Variants in GLIS3 observed in about 807,000 individuals in gnomAD.
GLIS3 encodes GLIS family zinc finger 3.
Under a neutral mutation model 78.6 loss-of-function variants are expected in GLIS3, and 53 were observed. The observed-to-expected ratio is 0.67, with a 90% CI of 0.54 to 0.85. The LOEUF (loss-of-function observed/expected upper bound fraction) is 0.85, where lower values mean the gene tolerates loss of function less well. Ranked by LOEUF, GLIS3 falls within the 40% of genes least tolerant of loss-of-function variation. The pLI, the probability that GLIS3 is intolerant of heterozygous loss-of-function variation, is 0.00. For synonymous variants in GLIS3, 684 were observed against 509.9 expected (o/e 1.34, Z -4.60); for missense variants, 1,703 against 1,231.1 (o/e 1.38, Z -5.74).
chr9:4,063,409 G>A (rs1407353093), intron 4 of GLIS3, among the ~76,000 whole-genome samples: 1 of 152,124 alleles, frequency 6.6e-6, no homozygotes, highest in Non-Finnish European at 1.5e-5. Context: ...CTACCACCAA[G>A]AGTGGCTTAC....
chr9:3,939,646 A>G (rs1826092181), intron 4 of GLIS3, among the ~76,000 whole-genome samples: 4 of 152,200 alleles, frequency 2.6e-5, no homozygotes, highest in Admixed American at 2.6e-4. Flanking sequence ...AATCCAGCTG[A>G]TATCAGATGT....
chr9:4,228,696 T>C (rs1821995715), intron 2 of GLIS3, among the ~76,000 whole-genome samples: 1 of 152,238 alleles, frequency 6.6e-6, no homozygotes, highest in Non-Finnish European at 1.5e-5. Context: ...ACATCTTTGC[T>C]CTTAATAATC....
Position 3,824,263 on chromosome 9 carries a change from C to G in GLIS3, c.*4009G>C, listed in dbSNP as rs1817608482. On this transcript the variant is annotated 3_prime_UTR_variant, in exon 11 of 11. Transcript: ENST00000381971. ...TCCTCCTCATATCTATAATTAAATC[C>G]AGGCTACAGCTCTGGCCCAAAGCAA... 6.6e-6 allele frequency: 1 copy of G among 152,522 alleles called. No homozygotes were observed. The highest frequency in any genetic ancestry group is 2.1e-4 in the South Asian group (1 of 4,826). 9.4% of individuals were successfully genotyped at this position (152,522 alleles called of 1,614,324 possible).
At chr9:4,358,111 T>C in the GLIS3 span, among the ~76,000 whole-genome samples, 3 of 152,210 alleles carry the variant, frequency 2.0e-5, no homozygotes. Context: ...TTTGTGTGTA[T>C]GTATATGTGT....
chr9:4,426,048 T>G, the GLIS3 span, among the ~76,000 whole-genome samples: 1 of 152,288 alleles, frequency 6.6e-6, no homozygotes, highest in South Asian at 2.1e-4. Flanking sequence ...CATACGTTCA[T>G]GCAATGCAAA....
At chr9:4,054,412 A>T in intron 4 of GLIS3, 1 of 985,402 alleles carries the variant, frequency 1.0e-6, no homozygotes, top group Non-Finnish European at 1.2e-6. Flanking sequence ...TCTGAATTTA[A>T]CGGTTGGTTA....
chr9:4,328,078 G>A (rs1817629012), intron 2 of GLIS3, among the ~76,000 whole-genome samples: 1 of 152,218 alleles, frequency 6.6e-6, no homozygotes, highest in Non-Finnish European at 1.5e-5. Context: ...GCAGAGCCCA[G>A]CACATATGGT....
intron 2 of GLIS3, among the ~76,000 whole-genome samples, chr9:4,316,849 G>A (rs1427948659): frequency 1.4e-5 from 2 of 143,154 alleles, no homozygotes; most frequent in African/African-American, 2.7e-5. Context: ...TGTTTAATAT[G>A]AGAAGTGTTG....
chr9:4,186,410 T>C (rs1274715511), intron 2 of GLIS3, among the ~76,000 whole-genome samples: 1 of 152,070 alleles, frequency 6.6e-6, no homozygotes, highest in African/African-American at 2.4e-5. Context: ...GTTGGACATT[T>C]GGGTTGGTTG....
intron 2 of GLIS3, among the ~76,000 whole-genome samples, chr9:4,166,470 G>T (rs1474664966): frequency 6.6e-6 from 1 of 152,126 alleles, no homozygotes; most frequent in South Asian, 2.1e-4. Flanking sequence ...AGACGTGATG[G>T]GAAGAATAAA....
At chr9:4,386,392 TAA>T in the GLIS3 span, 1 of 151,912 alleles carries the variant, frequency 6.6e-6, no homozygotes, top group Non-Finnish European at 1.5e-5. Context: ...CTTTTCTTTT[TAA>T]AAAAAATTAT....
chr9:4,451,017 A>T, the GLIS3 span, among the ~76,000 whole-genome samples: 3 of 152,256 alleles, frequency 2.0e-5, no homozygotes, highest in South Asian at 2.1e-4. Context: ...TTAAATGTAA[A>T]TGGGCTAAAT....
At chr9:4,230,465 A>G (rs1490453825) in intron 2 of GLIS3, among the ~76,000 whole-genome samples, 1 of 152,194 alleles carries the variant, frequency 6.6e-6, no homozygotes, top group Admixed American at 6.5e-5. Context: ...AGATAGCCAC[A>G]CATTTGTAAA....
chr9:4,170,912 G>A (rs921373213), intron 2 of GLIS3, among the ~76,000 whole-genome samples: 1 of 152,100 alleles, frequency 6.6e-6, no homozygotes, highest in Non-Finnish European at 1.5e-5. Context: ...CAATGAAGTA[G>A]AAAATGTTGT....
chr9:3,932,190 C>G (rs1332302212), intron 6 of GLIS3, among the ~76,000 whole-genome samples, 170 bp downstream of exon 6: 1 of 152,098 alleles, frequency 6.6e-6, no homozygotes, highest in East Asian at 1.9e-4. Context: ...ATCAGCTATG[C>G]AAACCATAGC....
chr9:4,413,487 C>T, the GLIS3 span, among the ~76,000 whole-genome samples: 10 of 152,244 alleles, frequency 6.6e-5, no homozygotes, highest in South Asian at 2.1e-3. Context: ...TATTTTTCAG[C>T]TGTGTATTGT....
chr9:4,257,862 T>C (rs982120909), intron 2 of GLIS3, among the ~76,000 whole-genome samples: 13 of 152,124 alleles, frequency 8.5e-5, no homozygotes, highest in Non-Finnish European at 1.5e-5. Flanking sequence ...TGTGAGCCAT[T>C]GCGCCCGGCC....
chr9:3,860,272 C>CAAAAAAAAAAAAA lies in GLIS3; in HGVS notation c.2298-4101_2298-4089dup, dbSNP rs59923144. On this transcript the variant is annotated intron_variant, in intron 8 of 10. Coordinates refer to ENST00000381971, the MANE Select transcript of GLIS3 (RefSeq NM_001042413.2). ...CCTGGGTGACAGAGCAAGACTCTGT[C>CAAAAAAAAAAAAA]AAAAAAAAAAAAAAAAAAAAAAAAA... is the stretch of plus-strand genomic sequence containing the variant. Among the ~76,000 whole-genome samples, 36 of 53,606 alleles carry CAAAAAAAAAAAAA rather than the reference C, an allele frequency of 6.7e-4. 1 individual carries two copies. The highest frequency in any genetic ancestry group is 1.3e-3 in the East Asian group (2 of 1,512). The allele number at this position is 53,606 out of a possible 152,430, so 35.2% of individuals were successfully genotyped here.
intron 2 of GLIS3, among the ~76,000 whole-genome samples, chr9:4,235,512 T>A (rs537660362): frequency 6.6e-6 from 1 of 152,284 alleles, no homozygotes; most frequent in Non-Finnish European, 1.5e-5. Context: ...AGTGATTTAG[T>A]CCTTTTGGTA....
Sources: gnomAD v4.1 joint callset for allele counts (sites outside exome capture counted in the v4.1 genomes callset) on GRCh38, gnomAD v4.1.1 for gene constraint, MANE v1.5 for transcripts, NCBI Gene and HGNC (gene_info 2026-07-23, HGNC 2026-07-21) for gene names.